RBPMS: variants seen among roughly 807,000 people sequenced by gnomAD.
RBPMS encodes RNA-binding protein with multiple splicing.
In RBPMS, 7 loss-of-function variants were observed where a neutral mutation model predicts 26.8. The observed-to-expected ratio is 0.26, with a 90% CI of 0.15 to 0.49. The LOEUF (loss-of-function observed/expected upper bound fraction) is 0.49. Ranked by LOEUF, RBPMS falls within the 20% of genes least tolerant of loss-of-function variation. The pLI, the probability that RBPMS is intolerant of heterozygous loss-of-function variation, is 0.98. For synonymous variants in RBPMS, 96 were observed against 93.3 expected, an observed-to-expected ratio of 1.03 and a Z score of -0.17; for missense variants, 186 against 250.0, an observed-to-expected ratio of 0.74 and a Z score of 1.73.
At chr8:30,455,763 G>A (rs533153532) in intron 1 of RBPMS, among the ~76,000 whole-genome samples, 7 of 152,202 alleles carry the variant, frequency 4.6e-5, no homozygotes, top group East Asian at 1.9e-4. Flanking sequence ...GGTGGTGGGC[G>A]CCTGTAGTCG....
intron 1 of RBPMS, among the ~76,000 whole-genome samples, chr8:30,409,665 G>A (rs1809064203): frequency 1.3e-5 from 2 of 151,902 alleles, no homozygotes; most frequent in East Asian, 1.9e-4. Context: ...ACGGAGTCTC[G>A]CTCTGTTGCC....
At chr8:30,547,434 T>TA in intron 6 of RBPMS, 1 of 1,587,468 alleles carries the variant, frequency 6.3e-7, no homozygotes, top group Non-Finnish European at 8.5e-7. Flanking sequence ...ATTTGTTTGT[T>TA]AGCTATTTTC....
chr8:30,504,201 G>T, intron 4 of RBPMS, 85 bp from the exon 5 acceptor site: 1 of 1,418,954 alleles, frequency 7.0e-7, no homozygotes, highest in East Asian at 2.3e-5. Context: ...ATAGACCAGG[G>T]TTTACTGGTG....
At chr8:30,444,594 A>G (rs531856577) in intron 1 of RBPMS, 2 of 152,188 alleles carry the variant, frequency 1.3e-5, no homozygotes, top group African/African-American at 2.4e-5. Flanking sequence ...AGTTTAAATC[A>G]TAGTGGTTTA....
intron 1 of RBPMS, among the ~76,000 whole-genome samples, chr8:30,409,694 G>A (rs971775206): frequency 1.3e-5 from 2 of 151,700 alleles, no homozygotes; most frequent in South Asian, 2.1e-4. Context: ...GTGCAGTGGC[G>A]CGATCTCGGC....
At position 30,544,571 on chromosome 8, in the gene RBPMS, G is replaced by T. The variant is rs749174047; in HGVS notation, c.475G>T (p.Ala159Ser). The T allele has an allele frequency of 2.4e-5, 38 of 1,614,052 alleles. No individual in the cohort carries two copies. The South Asian group carries it at 4.2e-4, about 18-fold the overall frequency. ...GTACCCTCTGTACCCAGCGGAGTTA[G>T]CGCCTGCTCTACCTCCTCCTGCTTT... ...APYPLYPAEL[A>S]PALPPPAFTY... Residue 159 changes from alanine (A) to serine (S), a missense_variant, in exon 6 of 9, where the codon GCG (alanine) becomes TCG (serine). Coordinates refer to ENST00000397323, the MANE Select transcript of RBPMS (RefSeq NM_001008710.3).
intron 4 of RBPMS, among the ~76,000 whole-genome samples, chr8:30,498,368 T>A (rs1820202554): frequency 6.6e-6 from 1 of 152,220 alleles, no homozygotes; most frequent in Non-Finnish European, 1.5e-5. Flanking sequence ...TATATATTCA[T>A]AAGTGGGTTA....
chr8:30,514,432 GAC>G, intron 5 of RBPMS, among the ~76,000 whole-genome samples: 1 of 152,232 alleles, frequency 6.6e-6, no homozygotes, highest in Non-Finnish European at 1.5e-5. Context: ...CACGGAAAAT[GAC>G]AGTTTTTGTT....
intron 4 of RBPMS, among the ~76,000 whole-genome samples, chr8:30,490,992 T>C (rs1819329819): frequency 6.6e-6 from 1 of 152,196 alleles, no homozygotes; most frequent in South Asian, 2.1e-4. Flanking sequence ...CCCCAAGTTC[T>C]TGGTTGGAAG....
intron 6 of RBPMS, among the ~76,000 whole-genome samples, chr8:30,554,841 C>T (rs374992968): frequency 3.3e-5 from 5 of 152,142 alleles, no homozygotes; most frequent in African/African-American, 9.7e-5. Flanking sequence ...AAGCACTTTT[C>T]GTGACTCTTT....
chr8:30,414,240 A>G (rs73241032), intron 1 of RBPMS, among the ~76,000 whole-genome samples: 1 of 152,086 alleles, frequency 6.6e-6, no homozygotes, highest in Non-Finnish European at 1.5e-5. Flanking sequence ...GATAGCTTGT[A>G]AGTAAACATA....
At position 30,384,757 on chromosome 8, in the gene RBPMS, CCTTCCTT is replaced by C. The variant is rs1806795503; in HGVS notation, c.-327_-321del. On this transcript the variant is annotated 5_prime_UTR_variant, in exon 1 of 9. Coordinates refer to ENST00000397323, the MANE Select transcript of RBPMS (RefSeq NM_001008710.3). This position sits in a 1 kb window ranked among gnomAD's most constrained non-coding sequence, Gnocchi z 5.6. ...CGCCCCATCCTTTGCTTCCTTCCTTCCTTCCTTCTTCCTTCCTCCCCTGGCTCCCGCC... is the reference window on the plus strand; with the variant it reads ...CGCCCCATCCTTTGCTTCCTTCCTTCCTTCCTTCCTCCCCTGGCTCCCGCC... The C allele has an allele frequency of 4.4e-6, 1 of 226,552 alleles. No homozygotes were observed. Among genetic ancestry groups the C allele is most frequent in the Non-Finnish European group, 8.6e-6 (1 of 116,202 alleles). 14.0% of individuals were successfully genotyped at this position (226,552 alleles called of 1,614,324 possible). A position where few individuals can be genotyped will look rare whatever the true frequency, so the allele number is the denominator to read the frequency against.
intron 1 of RBPMS, among the ~76,000 whole-genome samples, chr8:30,432,300 G>T (rs549643173): frequency 6.6e-6 from 1 of 152,316 alleles, no homozygotes; most frequent in East Asian, 1.9e-4. Context: ...GATGCTCTGA[G>T]TCTTTGGTTA....
At chr8:30,453,591 C>A (rs1021009605) in intron 1 of RBPMS, 4 of 152,218 alleles carry the variant, frequency 2.6e-5, no homozygotes, top group African/African-American at 9.6e-5. Flanking sequence ...ACAGATTTAG[C>A]TATTTCCTCC....
At chr8:30,476,775 C>T (rs1253079136) in intron 2 of RBPMS, among the ~76,000 whole-genome samples, 3 of 152,124 alleles carry the variant, frequency 2.0e-5, no homozygotes, top group Non-Finnish European at 2.9e-5. Flanking sequence ...ATGCAAGCCA[C>T]CAGCTATTGA....
At chr8:30,478,752 C>T (rs1817971866) in intron 3 of RBPMS, among the ~76,000 whole-genome samples, 1 of 152,212 alleles carries the variant, frequency 6.6e-6, no homozygotes, top group African/African-American at 2.4e-5. Context: ...CCCACCTTGG[C>T]CTCCCAAAGT....
At chr8:30,418,039 C>G (rs1051348716) in intron 1 of RBPMS, among the ~76,000 whole-genome samples, 1 of 152,024 alleles carries the variant, frequency 6.6e-6, no homozygotes, top group Non-Finnish European at 1.5e-5. Context: ...GTTTAAAAAT[C>G]TTTTTTAACC....
chr8:30,529,534 A>G (rs1226298977), intron 5 of RBPMS, among the ~76,000 whole-genome samples: 1 of 150,030 alleles, frequency 6.7e-6, no homozygotes, highest in Non-Finnish European at 1.5e-5. Context: ...AAAACAAAAA[A>G]ACAACTCTAA....
At chr8:30,426,764 G>C (rs1394307608) in intron 1 of RBPMS, among the ~76,000 whole-genome samples, 4 of 150,270 alleles carry the variant, frequency 2.7e-5, no homozygotes, top group African/African-American at 9.8e-5. Flanking sequence ...CAGCTGGCTT[G>C]AAAGCAGTGA....
Sources: gnomAD v4.1 joint callset for allele counts (sites outside exome capture counted in the v4.1 genomes callset) on GRCh38, gnomAD v4.1.1 for gene constraint, Gnocchi (gnomAD v3.1) non-coding constraint, MANE v1.5 for transcripts, NCBI Gene and HGNC (gene_info 2026-07-23, HGNC 2026-07-21) for gene names.